MAX: variants seen among roughly 807,000 people sequenced by gnomAD.
MAX encodes the protein MYC associated transcriptional regulator X.
A neutral mutation model predicts 22.3 loss-of-function variants in MAX; 3 were observed. The ratio of observed to expected loss-of-function variants is 0.13; its 90% CI spans 0.06 to 0.35. The LOEUF is 0.35. Ranked by LOEUF, MAX falls within the 10% of genes least tolerant of loss-of-function variation. The pLI, the probability that MAX is intolerant of heterozygous loss-of-function variation, is 1.00. For synonymous variants in MAX, 72 were observed against 77.7 expected, an observed-to-expected ratio of 0.93 and a Z score of 0.39; for missense variants, 119 against 209.4, an observed-to-expected ratio of 0.57 and a Z score of 2.66.
chr14:65,093,528 AAG>A lies in MAX; in HGVS notation c.171+178_171+179del, dbSNP rs1459665489. On this transcript the variant is annotated intron_variant, in intron 3 of 4. Transcript: ENST00000358664. This position sits in a 1 kb window ranked among gnomAD's most constrained non-coding sequence, Gnocchi z 4.4. ...TCCATTATATCTGACATATTTTGTTAAGGATAAACTGGAGTACGTAAGGTGTG... is the reference window on the plus strand; with the variant it reads ...TCCATTATATCTGACATATTTTGTTAGATAAACTGGAGTACGTAAGGTGTG... 2.2e-5 allele frequency: 14 copies of A among 624,792 alleles called. No individual in the cohort carries two copies. The East Asian group carries it at 3.9e-4, about 17-fold the overall frequency. The allele number at this position is 624,792 out of a possible 1,614,324, so 38.7% of individuals were successfully genotyped here.
At chr14:65,048,324 T>TA (rs2062531524) in intron 3 of MAX, among the ~76,000 whole-genome samples, 11 of 142,340 alleles carry the variant, frequency 7.7e-5, no homozygotes, top group Admixed American at 3.8e-4. Flanking sequence ...TACTGTGCCT[T>TA]TAAAAAAAAA....
chr14:65,100,140 TTCTAA>T (rs1169727000), intron 2 of MAX, among the ~76,000 whole-genome samples: 1 of 152,218 alleles, frequency 6.6e-6, no homozygotes, highest in Non-Finnish European at 1.5e-5. Flanking sequence ...AGTTTTAGAT[TTCTAA>T]TCTTTCTTAA....
chr14:65,043,827 T>TA (rs2062409650), intron 3 of MAX, among the ~76,000 whole-genome samples: 1 of 20,724 alleles, frequency 4.8e-5, no homozygotes, highest in Non-Finnish European at 7.5e-5. Context: ...AGACTCCGTC[T>TA]CAAAAAAAAA....
At chr14:65,061,393 C>T (rs1463026623) in intron 3 of MAX, 2 of 1,575,056 alleles carry the variant, frequency 1.3e-6, no homozygotes, top group Non-Finnish European at 1.7e-6. Context: ...ATACTGCATT[C>T]TGTGCTACAC....
chr14:65,042,644 C>A (rs2062377993), intron 3 of MAX, among the ~76,000 whole-genome samples: 1 of 152,212 alleles, frequency 6.6e-6, no homozygotes, highest in Admixed American at 6.5e-5. Context: ...CCAGACTACT[C>A]CCTTCCATTT....
chr14:65,076,179 G>T lies in MAX; in HGVS notation c.*297C>A. On this transcript the variant is annotated 3_prime_UTR_variant, in exon 5 of 5. Coordinates refer to ENST00000358664, the MANE Select transcript of MAX (RefSeq NM_002382.5). This position sits in a 1 kb window ranked among gnomAD's most constrained non-coding sequence, Gnocchi z 6.6. The stretch of plus-strand genomic sequence containing the variant: ...ACACTATGTGCTCAGAGGTCCGGCC[G>T]GCCGTCTGTCCTCCACAGAAAAAGC... 7.2e-7 allele frequency: 1 copy of T among 1,390,358 alleles called. No homozygotes were observed. Among genetic ancestry groups the T allele is most frequent in the Non-Finnish European group, 9.3e-7 (1 of 1,074,468 alleles). The allele number at this position is 1,390,358 out of a possible 1,614,324, so 86.1% of individuals were successfully genotyped here. A position where few individuals can be genotyped will look rare whatever the true frequency, so the allele number is the denominator to read the frequency against.
intron 3 of MAX, among the ~76,000 whole-genome samples, chr14:65,052,020 C>T (rs2139670238): frequency 6.6e-6 from 1 of 152,222 alleles, no homozygotes; most frequent in East Asian, 1.9e-4. Context: ...TGGTCTCGAT[C>T]TCCTGACCTC....
chr14:65,062,168 TA>T lies in MAX; in HGVS notation c.171+31539del, dbSNP rs1458350886. 2.6e-5 allele frequency: 4 copies of T among 152,566 alleles called. No homozygotes were observed. The highest frequency in any genetic ancestry group is 9.6e-5 in the African/African-American group (4 of 41,598). The allele number at this position is 152,566 out of a possible 1,614,324, so 9.5% of individuals were successfully genotyped here. ...AGGCCGAGGCCCTTCTGGGGGTTTC[TA>T]TCTTTCTTCCACCAGACTCCAAGCC... On this transcript the variant is annotated intron_variant, in intron 3 of 3. Coordinates refer to the MAX transcript ENST00000341653. The surrounding 1 kb of genome is among the most constrained non-coding windows in gnomAD (Gnocchi z 4.3).
At chr14:65,040,944 C>T (rs1314138248) in intron 3 of MAX, 2 of 1,610,060 alleles carry the variant, frequency 1.2e-6, no homozygotes, top group Non-Finnish European at 1.7e-6. Context: ...AGCCATCCCC[C>T]TCTCAGGCCC....
At chr14:65,013,583 T>A (rs1249060820) in intron 3 of MAX, among the ~76,000 whole-genome samples, 1 of 152,236 alleles carries the variant, frequency 6.6e-6, no homozygotes, top group African/African-American at 2.4e-5. Context: ...GGAGTCTCGC[T>A]GTATTTCCCA....
rs907301032 is a variant in MAX, at chr14:65,060,386, C to T, written c.171+33322G>A. 1.3e-4 allele frequency among the ~76,000 whole-genome samples: 19 copies of T among 147,646 alleles called. No individual in the cohort carries two copies. The South Asian group carries it at 2.4e-3, about 19-fold the overall frequency. On this transcript the variant is annotated intron_variant, in intron 3 of 3. Transcript: ENST00000341653. ...GGTGGATCACCTGAGGTCAGGAGTTCGAGACCAGCCGGACCAACATGGTGA... is the reference window on the plus strand; with the variant it reads ...GGTGGATCACCTGAGGTCAGGAGTTTGAGACCAGCCGGACCAACATGGTGA...
chr14:65,057,116 C>T (rs937977340), intron 3 of MAX, among the ~76,000 whole-genome samples: 8 of 152,334 alleles, frequency 5.3e-5, no homozygotes, highest in South Asian at 4.1e-4. Flanking sequence ...CCAAGGCACT[C>T]CTGAGGGATC....
chr14:65,015,972 C>T (rs1397911858), intron 3 of MAX, among the ~76,000 whole-genome samples: 1 of 152,172 alleles, frequency 6.6e-6, no homozygotes, highest in Non-Finnish European at 1.5e-5. Flanking sequence ...TCTTTTGGCT[C>T]TTGACTCTGG....
At chr14:65,021,189 G>A (rs2061880261) in intron 3 of MAX, among the ~76,000 whole-genome samples, 1 of 152,208 alleles carries the variant, frequency 6.6e-6, no homozygotes, top group African/African-American at 2.4e-5. Flanking sequence ...GTTACTGAAA[G>A]CAGCTTCAGT....
intron 3 of MAX, among the ~76,000 whole-genome samples, chr14:65,083,538 A>G (rs2063249680): frequency 1.3e-5 from 2 of 152,216 alleles, no homozygotes; most frequent in African/African-American, 4.8e-5. Context: ...AAAGAATAGT[A>G]GTGCTAGATT....
downstream of MAX, among the ~76,000 whole-genome samples, chr14:65,071,245 G>A (rs2062985771): frequency 6.6e-6 from 1 of 151,938 alleles, no homozygotes; most frequent in Admixed American, 6.6e-5. The surrounding 1 kb of genome is among the most constrained non-coding windows in gnomAD (Gnocchi z 4.2). Flanking sequence ...GGGTTCAAGC[G>A]ATTCTCCTGC....
intron 3 of MAX, among the ~76,000 whole-genome samples, chr14:65,068,774 A>G (rs1169932007): frequency 6.6e-6 from 1 of 152,140 alleles, no homozygotes; most frequent in Non-Finnish European, 1.5e-5. Flanking sequence ...CACACTATGT[A>G]ATGGGTACAT....
chr14:65,084,064 C>G lies in MAX; in HGVS notation c.172-6028G>C. Reference sequence around the variant, plus strand: ...GAAGGCTTCCTGCTGCCAGGGCCTCCCCAGCCACAGGACCATTTTGCTGAT... The same window carrying G: ...GAAGGCTTCCTGCTGCCAGGGCCTCGCCAGCCACAGGACCATTTTGCTGAT... On this transcript the variant is annotated intron_variant, in intron 3 of 4. Coordinates refer to ENST00000358664, the MANE Select transcript of MAX (RefSeq NM_002382.5). This position sits in a 1 kb window ranked among gnomAD's most constrained non-coding sequence, Gnocchi z 4.3. The G allele has an allele frequency of 6.3e-7, 1 of 1,595,960 alleles. No individual in the cohort carries two copies. The highest frequency in any genetic ancestry group is 8.6e-7 in the Non-Finnish European group (1 of 1,168,538).
At chr14:65,025,651 T>C (rs986466902) in intron 3 of MAX, among the ~76,000 whole-genome samples, 2 of 151,808 alleles carry the variant, frequency 1.3e-5, no homozygotes, top group African/African-American at 4.8e-5. Flanking sequence ...CCCATCTTTA[T>C]AAAAAATACA....
Sources: gnomAD v4.1 joint callset for allele counts (sites outside exome capture counted in the v4.1 genomes callset) on GRCh38, gnomAD v4.1.1 for gene constraint, Gnocchi (gnomAD v3.1) non-coding constraint, MANE v1.5 for transcripts, NCBI Gene and HGNC (gene_info 2026-07-23, HGNC 2026-07-21) for gene names.